RP1: variants seen among roughly 807,000 people sequenced by gnomAD.
RP1 encodes the protein RP1 axonemal microtubule associated, also known as oxygen-regulated protein 1.
Under a neutral mutation model 14.8 loss-of-function variants are expected in RP1, and 16 were observed. The ratio of observed to expected loss-of-function variants is 1.08; its 90% CI spans 0.73 to 1.65. The LOEUF is 1.65. Among genes scored for constraint, RP1 ranks in the 40% most tolerant of loss-of-function variants. The pLI, the probability that RP1 is intolerant of heterozygous loss-of-function variation, is 0.00. For missense variants in RP1, 2,631 were observed against 2,535.0 expected, an observed-to-expected ratio of 1.04 and a Z score of -0.81; for synonymous variants, 876 against 883.6, an observed-to-expected ratio of 0.99 and a Z score of 0.15.
At chr8:54,749,665 C>T (rs1309164757) in intron 19 of RP1, among the ~76,000 whole-genome samples, 1 of 152,036 alleles carries the variant, frequency 6.6e-6, no homozygotes, top group Non-Finnish European at 1.5e-5. Flanking sequence ...AGAGGAATGG[C>T]CTCCTTTTTC....
At chr8:54,824,541 ACTGT>A (rs1811337344) in intron 24 of RP1, among the ~76,000 whole-genome samples, 1 of 152,218 alleles carries the variant, frequency 6.6e-6, no homozygotes, top group African/African-American at 2.4e-5. Context: ...AAGTGGGAAT[ACTGT>A]CTAACTCATT....
At chr8:54,746,562 G>A (rs190368813) in intron 19 of RP1, among the ~76,000 whole-genome samples, 1 of 152,218 alleles carries the variant, frequency 6.6e-6, no homozygotes, top group Non-Finnish European at 1.5e-5. Flanking sequence ...AACATAGACA[G>A]ATAGTAATTA....
chr8:54,825,011 G>T (rs1811353352), intron 24 of RP1, among the ~76,000 whole-genome samples: 1 of 150,646 alleles, frequency 6.6e-6, no homozygotes, highest in African/African-American at 2.5e-5. Context: ...TGTCGCCCAG[G>T]CTAGATAGAG....
chr8:54,789,222 C>A (rs1248823360), intron 24 of RP1, among the ~76,000 whole-genome samples: 1 of 152,178 alleles, frequency 6.6e-6, no homozygotes, highest in Non-Finnish European at 1.5e-5. Flanking sequence ...AACCAGAGAG[C>A]TTAGTCAGTG....
chr8:54,629,778 G>A lies in RP1; in HGVS notation c.5896G>A (p.Val1966Met). The change falls in exon 4 of 4, where the codon GTG (valine) becomes ATG (methionine). Residue 1966 changes from valine (V) to methionine (M), a missense_variant. Transcript: ENST00000220676. Reference protein sequence around the residue: ...HPYLLQTDKNVFREENNKASM... With the variant: ...HPYLLQTDKNMFREENNKASM... ...ATATTTACTTCAGACAGACAAAAATGTGTTCAGGGAAGAGAACAATAAAGC... is the reference window on the plus strand; with the variant it reads ...ATATTTACTTCAGACAGACAAAAATATGTTCAGGGAAGAGAACAATAAAGC... 1 of 1,609,274 alleles carries A rather than the reference G, an allele frequency of 6.2e-7. No homozygotes were observed. The highest frequency in any genetic ancestry group is 8.5e-7 in the Non-Finnish European group (1 of 1,177,702).
intron 23 of RP1, chr8:54,783,406 CATG>C (rs1258481688): frequency 6.9e-6 from 3 of 437,336 alleles, no homozygotes; most frequent in Non-Finnish European, 1.1e-5. Context: ...GGAGGAAATC[CATG>C]ATAAGCAATT....
chr8:54,574,388 G>C (rs1487941545), intron 1 of RP1, among the ~76,000 whole-genome samples: 1 of 152,138 alleles, frequency 6.6e-6, no homozygotes, highest in Non-Finnish European at 1.5e-5. Flanking sequence ...CTAGGAGACA[G>C]GAGAGGAAAG....
chr8:54,690,122 T>C (rs1349658722), intron 12 of RP1, among the ~76,000 whole-genome samples: 1 of 152,006 alleles, frequency 6.6e-6, no homozygotes, highest in Non-Finnish European at 1.5e-5. Flanking sequence ...TAGATAAAAA[T>C]ATAGCCAATT....
intron 25 of RP1, among the ~76,000 whole-genome samples, chr8:54,844,053 C>G (rs1334451326): frequency 2.0e-5 from 3 of 152,268 alleles, no homozygotes; most frequent in South Asian, 2.1e-4. Flanking sequence ...GGCCTTTTAG[C>G]CTTCTCCTTG....
intron 24 of RP1, among the ~76,000 whole-genome samples, chr8:54,793,425 C>T (rs952032947): frequency 1.3e-5 from 2 of 151,826 alleles, no homozygotes; most frequent in Non-Finnish European, 2.9e-5. Context: ...GGCAAAAATC[C>T]TCAACAAAAT....
chr8:54,850,973 C>G (rs1585746465), intron 25 of RP1, among the ~76,000 whole-genome samples: 1 of 152,130 alleles, frequency 6.6e-6, no homozygotes, highest in East Asian at 1.9e-4. Flanking sequence ...AGTTAGTGCT[C>G]AACTATGATA....
intron 7 of RP1, among the ~76,000 whole-genome samples, chr8:54,671,009 C>G (rs938501391): frequency 1.1e-4 from 16 of 151,808 alleles, no homozygotes; most frequent in African/African-American, 3.9e-4. Flanking sequence ...ACTTCCTTAG[C>G]ATTTCTTGTA....
intron 7 of RP1, among the ~76,000 whole-genome samples, chr8:54,668,960 AGGCATG>A (rs1335127677): frequency 1.3e-5 from 2 of 152,226 alleles, no homozygotes; most frequent in African/African-American, 4.8e-5. Context: ...TTCAGGACAT[AGGCATG>A]GGCAAGGACT....
At chr8:54,726,271 G>C in intron 16 of RP1, 1 of 1,435,026 alleles carries the variant, frequency 7.0e-7, no homozygotes, top group Non-Finnish European at 9.1e-7. Context: ...TTGCATAGCT[G>C]AACATATGAT....
At chr8:54,609,192 C>T (rs886548248) in intron 1 of RP1, among the ~76,000 whole-genome samples, 3 of 152,018 alleles carry the variant, frequency 2.0e-5, no homozygotes, top group African/African-American at 7.3e-5. Flanking sequence ...GCATTGGGTG[C>T]TGCTTGGTGT....
At chr8:54,642,629 A>G (rs1474550661) in intron 3 of RP1, among the ~76,000 whole-genome samples, 1 of 152,176 alleles carries the variant, frequency 6.6e-6, no homozygotes, top group Non-Finnish European at 1.5e-5. Context: ...AAGATACATG[A>G]TTGTATCTAA....
chr8:54,677,880 T>G (rs964767747), intron 8 of RP1, among the ~76,000 whole-genome samples: 1 of 152,174 alleles, frequency 6.6e-6, no homozygotes, highest in Admixed American at 6.5e-5. Context: ...ATTAAAATAT[T>G]TTATGTGTAA....
chr8:54,616,452 G>A (rs1805718162), intron 1 of RP1, among the ~76,000 whole-genome samples: 2 of 152,132 alleles, frequency 1.3e-5, no homozygotes, highest in South Asian at 4.1e-4. Context: ...AATGAGTAAT[G>A]TTTACTTTGT....
chr8:54,698,386 A>G (rs1348955300), intron 12 of RP1, among the ~76,000 whole-genome samples: 2 of 152,218 alleles, frequency 1.3e-5, no homozygotes, highest in African/African-American at 4.8e-5. Flanking sequence ...GTCAGGAAAC[A>G]ACAGATACTG....
Sources: gnomAD v4.1 joint callset for allele counts (sites outside exome capture counted in the v4.1 genomes callset) on GRCh38, gnomAD v4.1.1 for gene constraint, MANE v1.5 for transcripts, NCBI Gene and HGNC (gene_info 2026-07-23, HGNC 2026-07-21) for gene names.